Variants in PTPRT observed in about 807,000 individuals in gnomAD.
The protein encoded by PTPRT is protein tyrosine phosphatase receptor type T, also known as receptor-type tyrosine-protein phosphatase T.
In PTPRT, 56 loss-of-function variants were observed where a neutral mutation model predicts 176.8. That is an observed-to-expected ratio of 0.32 (90% CI 0.26 to 0.40). PTPRT has a LOEUF of 0.40. Ranked by LOEUF, PTPRT falls within the 10% of genes least tolerant of loss-of-function variation. The pLI, the probability that PTPRT is intolerant of heterozygous loss-of-function variation, is 1.00. For synonymous variants in PTPRT, 783 were observed against 739.0 expected (o/e 1.06, Z -0.96); for missense variants, 1,540 against 1,908.2 (o/e 0.81, Z 3.60).
chr20:42,797,576 G>A (rs1041803990), intron 2 of PTPRT, among the ~76,000 whole-genome samples: 42 of 151,082 alleles, frequency 2.8e-4, no homozygotes, highest in African/African-American at 9.2e-4. Flanking sequence ...CCACTTTGTG[G>A]TAGACAGAAT....
intron 8 of PTPRT, among the ~76,000 whole-genome samples, chr20:42,456,195 C>T (rs1361267590): frequency 6.6e-6 from 1 of 151,934 alleles, no homozygotes; most frequent in Non-Finnish European, 1.5e-5. Flanking sequence ...GAAAATACCA[C>T]ATACTTGTTA....
chr20:43,145,424 T>C (rs1010956361), intron 1 of PTPRT, among the ~76,000 whole-genome samples: 8 of 152,224 alleles, frequency 5.3e-5, no homozygotes, highest in Non-Finnish European at 1.2e-4. Flanking sequence ...CCAAATGGCA[T>C]AGGCTTCTTA....
At chr20:42,902,659 G>A (rs980695715) in intron 1 of PTPRT, among the ~76,000 whole-genome samples, 1 of 152,120 alleles carries the variant, frequency 6.6e-6, no homozygotes, top group Non-Finnish European at 1.5e-5. Context: ...CCTGTGAGTT[G>A]TTCTTTAGGA....
At chr20:42,481,950 T>G (rs879621960) in intron 7 of PTPRT, among the ~76,000 whole-genome samples, 1 of 152,166 alleles carries the variant, frequency 6.6e-6, no homozygotes, top group African/African-American at 2.4e-5. Flanking sequence ...GTAAGGCTCT[T>G]AATACCGGTA....
chr20:42,065,261 T>C, the PTPRT span, among the ~76,000 whole-genome samples: 67 of 150,720 alleles, frequency 4.4e-4, no homozygotes, highest in African/African-American at 1.6e-3. Flanking sequence ...ACAGCAACGG[T>C]AACTGTAACA....
At position 43,122,573 on chromosome 20, in the gene PTPRT, T is replaced by C. The variant is rs2013301713; in HGVS notation, c.88+67073A>G. ...ATCCCTTATGTATGGTTTAGCGCCA[T>C]CCACTTGTTAACGAGTGAGTGCTCG... On this transcript the variant is annotated intron_variant, in intron 1 of 30. Coordinates refer to ENST00000373187, the MANE Select transcript of PTPRT (RefSeq NM_007050.6). Among the ~76,000 whole-genome samples, 7 of 152,292 alleles carry C rather than the reference T, an allele frequency of 4.6e-5. No homozygotes were observed. The South Asian group carries it at 1.5e-3, about 32-fold the overall frequency.
intron 16 of PTPRT, among the ~76,000 whole-genome samples, chr20:42,196,264 C>A: frequency 6.6e-6 from 1 of 152,184 alleles, no homozygotes; most frequent in East Asian, 1.9e-4. Context: ...TGCCCCAGAG[C>A]CGAAAGCAGG....
intron 1 of PTPRT, among the ~76,000 whole-genome samples, chr20:43,104,502 T>A (rs1568787571): frequency 2.0e-5 from 3 of 152,254 alleles, no homozygotes; most frequent in South Asian, 4.1e-4. Flanking sequence ...TTAACCCCCC[T>A]GAAAAACAGA....
At chr20:42,982,926 T>C (rs1799219337) in intron 1 of PTPRT, among the ~76,000 whole-genome samples, 2 of 152,224 alleles carry the variant, frequency 1.3e-5, no homozygotes, top group African/African-American at 4.8e-5. Context: ...ATATAATCAC[T>C]ACCTCCCACA....
At position 42,252,597 on chromosome 20, in the gene PTPRT, G is replaced by A. The variant is rs1008060658; in HGVS notation, c.2177-3775C>T. Among the ~76,000 whole-genome samples the A allele has an allele frequency of 2.0e-5, 3 of 152,228 alleles. No individual in the cohort carries two copies. The East Asian group carries it at 5.8e-4, about 29-fold the overall frequency. ...CAAAAAGGAGGGCATGATCAACTAT[G>A]CCAAAGGCTGTTCCCAGGGTAGAAT... On this transcript the variant is annotated intron_variant, in intron 13 of 30. Coordinates refer to ENST00000373187, the MANE Select transcript of PTPRT (RefSeq NM_007050.6).
intron 9 of PTPRT, among the ~76,000 whole-genome samples, chr20:42,385,867 G>A (rs889545075): frequency 6.6e-6 from 1 of 151,940 alleles, no homozygotes; most frequent in Non-Finnish European, 1.5e-5. Context: ...GGACATGTGG[G>A]GATTATTACA....
chr20:42,129,258 C>G (rs1327432035), intron 18 of PTPRT, among the ~76,000 whole-genome samples: 1 of 152,176 alleles, frequency 6.6e-6, no homozygotes, highest in Admixed American at 6.5e-5. Flanking sequence ...CACACATGCA[C>G]AAATTGCTTT....
intron 16 of PTPRT, among the ~76,000 whole-genome samples, chr20:42,183,471 G>A (rs1177762954): frequency 2.0e-5 from 3 of 152,146 alleles, no homozygotes; most frequent in Non-Finnish European, 2.9e-5. Flanking sequence ...TTGTACAAGA[G>A]AGCAAAAGCT....
At chr20:42,034,376 G>A in the PTPRT span, among the ~76,000 whole-genome samples, 2 of 152,196 alleles carry the variant, frequency 1.3e-5, no homozygotes, top group African/African-American at 4.8e-5. Flanking sequence ...AGGAGTCAGA[G>A]TGAAAGGGAG....
At chr20:42,507,070 G>A (rs894317379) in intron 7 of PTPRT, among the ~76,000 whole-genome samples, 11 of 152,028 alleles carry the variant, frequency 7.2e-5, no homozygotes, top group East Asian at 1.9e-4. Context: ...GTAAAAACAC[G>A]CCCCAAATCT....
Position 42,199,297 on chromosome 20 carries a change from T to C in PTPRT, c.2434A>G (p.Ser812Gly). 1 of 1,613,878 alleles carries C rather than the reference T, an allele frequency of 6.2e-7. No homozygotes were observed. Among genetic ancestry groups the C allele is most frequent in the East Asian group, 2.2e-5 (1 of 44,878 alleles). ...AAGCCTTCATCATTGCGGCTGGCGC[T>C]GAGCTTGGTGGTGGGTTTGTCGGCA... is the stretch of plus-strand genomic sequence containing the variant. The part of the protein sequence containing the change: ...ASADKPTTKL[S>G]ASRNDEGFSS... The change falls in exon 16 of 31, where the codon AGC becomes GGC. Residue 812 changes from serine (S) to glycine (G), a missense_variant. Ser to Gly is a moderately conservative substitution (Grantham distance 56). Coordinates refer to ENST00000373187, the MANE Select transcript of PTPRT (RefSeq NM_007050.6).
chr20:42,394,655 T>A (rs566112210), intron 9 of PTPRT, among the ~76,000 whole-genome samples: 1 of 152,290 alleles, frequency 6.6e-6, no homozygotes, highest in Non-Finnish European at 1.5e-5. Flanking sequence ...ATGGTATAAG[T>A]CATTTTGAGT....
intron 11 of PTPRT, among the ~76,000 whole-genome samples, chr20:42,343,548 T>G (rs1183066124): frequency 6.6e-6 from 1 of 152,222 alleles, no homozygotes; most frequent in Non-Finnish European, 1.5e-5. Flanking sequence ...ACCCCGACTG[T>G]GCTGGCCCTT....
At chr20:42,624,804 A>G (rs534632223) in intron 7 of PTPRT, among the ~76,000 whole-genome samples, 1 of 152,334 alleles carries the variant, frequency 6.6e-6, no homozygotes, top group African/African-American at 2.4e-5. Flanking sequence ...ATTTATTCAC[A>G]GCCACATTCC....
Sources: gnomAD v4.1 joint callset for allele counts (sites outside exome capture counted in the v4.1 genomes callset) on GRCh38, gnomAD v4.1.1 for gene constraint, MANE v1.5 for transcripts, NCBI Gene and HGNC (gene_info 2026-07-23, HGNC 2026-07-21) for gene names.